The following DGKB variants were observed in gnomAD, a reference collection of about 807,000 sequenced individuals.
DGKB encodes 90 kDa diacylglycerol kinase.
Under a neutral mutation model 114.3 loss-of-function variants are expected in DGKB, and 67 were observed. That is an observed-to-expected ratio of 0.59 (90% CI 0.48 to 0.72). The LOEUF (loss-of-function observed/expected upper bound fraction) is 0.72, where lower values mean the gene tolerates loss of function less well. Among genes scored for constraint, DGKB ranks in the 30% least tolerant of loss-of-function variants. DGKB has a pLI of 0.00. For synonymous variants in DGKB, 398 were observed against 323.1 expected (o/e 1.23, Z -2.49); for missense variants, 907 against 975.2 (o/e 0.93, Z 0.93).
At chr7:14,377,541 A>T (rs1818690272) in intron 21 of DGKB, among the ~76,000 whole-genome samples, 1 of 152,180 alleles carries the variant, frequency 6.6e-6, no homozygotes, top group African/African-American at 2.4e-5. Flanking sequence ...AATCATTCTT[A>T]TCTTCTAGGA....
At chr7:14,714,054 T>G (rs1827792298) in intron 6 of DGKB, among the ~76,000 whole-genome samples, 1 of 147,722 alleles carries the variant, frequency 6.8e-6, no homozygotes, top group Admixed American at 7.0e-5. Context: ...TAACTATCAT[T>G]TATTGAGCAT....
chr7:14,771,816 G>A (rs1393418236), intron 2 of DGKB, among the ~76,000 whole-genome samples: 2 of 151,892 alleles, frequency 1.3e-5, no homozygotes, highest in Non-Finnish European at 2.9e-5. Context: ...TTTCTTTCCA[G>A]ATCCAGGAGA....
intron 20 of DGKB, among the ~76,000 whole-genome samples, chr7:14,539,946 T>C (rs1054768136): frequency 1.3e-5 from 2 of 152,094 alleles, no homozygotes; most frequent in African/African-American, 4.8e-5. Context: ...ATTAATCTCG[T>C]GTAGCATGAA....
intron 21 of DGKB, among the ~76,000 whole-genome samples, chr7:14,436,418 G>C (rs1394032499): frequency 6.6e-6 from 1 of 152,020 alleles, no homozygotes; most frequent in Admixed American, 6.6e-5. Flanking sequence ...CCAACACTAT[G>C]GGTGTTGTTT....
intron 1 of DGKB, among the ~76,000 whole-genome samples, chr7:14,916,553 T>C (rs2128245474): frequency 6.6e-6 from 1 of 152,220 alleles, no homozygotes; most frequent in Admixed American, 6.5e-5. Context: ...AGGGATAAAA[T>C]AGGCATTACA....
intron 2 of DGKB, among the ~76,000 whole-genome samples, chr7:14,809,417 A>T (rs1377067903): frequency 6.6e-6 from 1 of 152,084 alleles, no homozygotes; most frequent in East Asian, 1.9e-4. Flanking sequence ...ATGAAGTTAA[A>T]GACTTCAAGT....
At chr7:14,528,465 T>C (rs1791004620) in intron 20 of DGKB, among the ~76,000 whole-genome samples, 1 of 152,140 alleles carries the variant, frequency 6.6e-6, no homozygotes, top group Non-Finnish European at 1.5e-5. Context: ...ACTAATTATC[T>C]GATTATTTCT....
At chr7:14,196,788 G>A (rs975146688) in intron 23 of DGKB, among the ~76,000 whole-genome samples, 18 of 151,524 alleles carry the variant, frequency 1.2e-4, no homozygotes, top group African/African-American at 4.4e-4. Context: ...AGTTTCCAAA[G>A]AGCTTGAATT....
intron 2 of DGKB, among the ~76,000 whole-genome samples, chr7:14,817,096 C>T (rs147528494): frequency 1.3e-5 from 2 of 152,234 alleles, no homozygotes; most frequent in East Asian, 3.9e-4. Context: ...TATATAAGGG[C>T]TAATAGTTTC....
At chr7:14,811,801 T>TAC (rs999784973) in intron 2 of DGKB, among the ~76,000 whole-genome samples, 10 of 110,662 alleles carry the variant, frequency 9.0e-5, no homozygotes, top group East Asian at 2.7e-4. Flanking sequence ...TATGTATATA[T>TAC]ACACACACAC....
At chr7:14,782,833 A>G (rs571952659) in intron 2 of DGKB, among the ~76,000 whole-genome samples, 4 of 152,008 alleles carry the variant, frequency 2.6e-5, no homozygotes, top group East Asian at 1.9e-4. Context: ...ATGATTATAT[A>G]TATATATATA....
At chr7:14,252,968 C>T (rs944073055) in intron 23 of DGKB, among the ~76,000 whole-genome samples, 4 of 152,024 alleles carry the variant, frequency 2.6e-5, no homozygotes, top group African/African-American at 7.2e-5. Flanking sequence ...CACTCAGGTG[C>T]TATAATCTGT....
chr7:14,520,330 T>C (rs1259869127), intron 20 of DGKB, among the ~76,000 whole-genome samples: 1 of 151,500 alleles, frequency 6.6e-6, no homozygotes, highest in Admixed American at 6.6e-5. Context: ...TTATATTTCA[T>C]TGATTTGTGT....
intron 23 of DGKB, among the ~76,000 whole-genome samples, chr7:14,203,655 T>A (rs563207108): frequency 6.6e-6 from 1 of 151,978 alleles, no homozygotes; most frequent in Non-Finnish European, 1.5e-5. Flanking sequence ...GAATGGCATC[T>A]TCTTGAATTT....
At chr7:14,647,211 G>A (rs910440646) in intron 13 of DGKB, among the ~76,000 whole-genome samples, 24 of 152,006 alleles carry the variant, frequency 1.6e-4, no homozygotes. Context: ...TAATCTAGAG[G>A]AAACATATAA....
intron 23 of DGKB, among the ~76,000 whole-genome samples, chr7:14,208,184 C>T (rs1376915058): frequency 6.6e-6 from 1 of 151,986 alleles, no homozygotes; most frequent in Non-Finnish European, 1.5e-5. Context: ...GTATATTCAA[C>T]ACATTTAGTG....
At chr7:14,586,415 T>A (rs542054847) in intron 17 of DGKB, among the ~76,000 whole-genome samples, 30 of 152,178 alleles carry the variant, frequency 2.0e-4, no homozygotes, top group African/African-American at 7.0e-4. Context: ...CAAGCAGATG[T>A]TGGTTCTTGA....
chr7:14,753,986 G>GTA, intron 3 of DGKB, 38 bp from the exon 4 acceptor site: 1 of 1,393,274 alleles, frequency 7.2e-7, no homozygotes, highest in Non-Finnish European at 1.0e-6. Flanking sequence ...ATGTGTTAAT[G>GTA]TAAGATACTT....
intron 20 of DGKB, among the ~76,000 whole-genome samples, chr7:14,536,775 A>G (rs1792568463): frequency 6.6e-6 from 1 of 151,896 alleles, no homozygotes; most frequent in Non-Finnish European, 1.5e-5. Context: ...GAAGGCAAGG[A>G]TGCTCATTCT....
Sources: allele counts gnomAD v4.1 joint callset (sites outside exome capture counted in the v4.1 genomes callset), GRCh38; gene constraint gnomAD v4.1.1; transcripts MANE v1.5; gene names NCBI Gene and HGNC (gene_info 2026-07-23, HGNC 2026-07-21).